Variants in TENM3 observed in about 807,000 individuals in gnomAD.
The protein encoded by TENM3 is teneurin-3.
Under a neutral mutation model 255.1 loss-of-function variants are expected in TENM3, and 63 were observed. That is an observed-to-expected ratio of 0.25 (90% confidence interval 0.20 to 0.30). TENM3 has a LOEUF of 0.30. TENM3 is among the 10% of genes least tolerant of loss of function. The pLI, the probability that TENM3 is intolerant of heterozygous loss-of-function variation, is 1.00. For synonymous variants in TENM3, 1,306 were observed against 1,322.3 expected, an observed-to-expected ratio of 0.99 and a Z score of 0.27; for missense variants, 2,929 against 3,461.1, an observed-to-expected ratio of 0.85 and a Z score of 3.86.
chr4:182,455,979 C>A (rs73869999), intron 3 of TENM3, among the ~76,000 whole-genome samples: 1 of 152,312 alleles, frequency 6.6e-6, no homozygotes, highest in East Asian at 1.9e-4. Flanking sequence ...CTGTCTCCCC[C>A]ACTAGGGGGA....
At chr4:182,297,086 C>G (rs1761542004) in intron 1 of TENM3, among the ~76,000 whole-genome samples, 1 of 152,188 alleles carries the variant, frequency 6.6e-6, no homozygotes, top group African/African-American at 2.4e-5. Flanking sequence ...GTATTATTCA[C>G]CTCCTTATGA....
At chr4:182,791,844 T>G (rs1250612087) in intron 25 of TENM3, among the ~76,000 whole-genome samples, 1 of 152,186 alleles carries the variant, frequency 6.6e-6, no homozygotes, top group Non-Finnish European at 1.5e-5. Context: ...TGAGTGGTTC[T>G]TCACTCAGAT....
the TENM3 span, among the ~76,000 whole-genome samples, chr4:181,561,685 A>C: frequency 6.6e-6 from 1 of 152,186 alleles, no homozygotes; most frequent in Non-Finnish European, 1.5e-5. Flanking sequence ...GGCATTTTAC[A>C]TATAACTAAT....
the TENM3 span, among the ~76,000 whole-genome samples, chr4:182,100,802 TATATAC>T: frequency 2.2e-4 from 6 of 26,960 alleles, 1 homozygote; most frequent in Non-Finnish European, 4.1e-4. Context: ...TATACACATA[TATATAC>T]ACATATATAT....
At chr4:181,647,451 TATTA>T in the TENM3 span, among the ~76,000 whole-genome samples, 103 of 152,254 alleles carry the variant, frequency 6.8e-4, 1 homozygote, top group East Asian at 0.012. Flanking sequence ...TATTAGACCA[TATTA>T]ATTAAGAAGA....
At chr4:182,344,023 C>T (rs984651653) in intron 2 of TENM3, among the ~76,000 whole-genome samples, 1 of 152,122 alleles carries the variant, frequency 6.6e-6, no homozygotes, top group Non-Finnish European at 1.5e-5. Flanking sequence ...CCTCTCCCTA[C>T]TCTCAAACTA....
intron 3 of TENM3, among the ~76,000 whole-genome samples, chr4:182,503,826 C>T (rs2151669647): frequency 6.6e-6 from 1 of 152,218 alleles, no homozygotes; most frequent in East Asian, 1.9e-4. Flanking sequence ...TACTACACCC[C>T]AGATATCCAC....
At chr4:181,934,075 T>TGTGC in the TENM3 span, among the ~76,000 whole-genome samples, 20,912 of 147,872 alleles carry the variant, frequency 0.14, 1,569 homozygotes, top group South Asian at 0.29. Context: ...TGTGTGTGTG[T>TGTGC]GCGCGCGCTT....
At chr4:181,872,957 T>C in the TENM3 span, among the ~76,000 whole-genome samples, 3 of 152,234 alleles carry the variant, frequency 2.0e-5, no homozygotes, top group African/African-American at 7.2e-5. Context: ...CCTTATTCTC[T>C]TATTTTTACT....
chr4:182,389,208 G>T (rs1301988574), intron 3 of TENM3, among the ~76,000 whole-genome samples: 1 of 152,062 alleles, frequency 6.6e-6, no homozygotes, highest in Non-Finnish European at 1.5e-5. Flanking sequence ...AGGGAGGGAG[G>T]TGTAGCTGAA....
chr4:181,933,256 G>A, the TENM3 span, among the ~76,000 whole-genome samples: 16 of 152,254 alleles, frequency 1.1e-4, no homozygotes, highest in African/African-American at 3.9e-4. Context: ...GCTTTAGAAA[G>A]AGTAATAAAT....
chr4:182,610,637 C>G (rs990989220), intron 4 of TENM3, among the ~76,000 whole-genome samples: 1 of 152,214 alleles, frequency 6.6e-6, no homozygotes, highest in Non-Finnish European at 1.5e-5. Flanking sequence ...GAGCTATGAT[C>G]GCACCACTGT....
At chr4:181,492,188 C>A in the TENM3 span, among the ~76,000 whole-genome samples, 2 of 152,156 alleles carry the variant, frequency 1.3e-5, no homozygotes, top group East Asian at 3.8e-4. Context: ...AAGGTCTATG[C>A]CACAATTCTT....
intron 22 of TENM3, among the ~76,000 whole-genome samples, chr4:182,757,698 C>T (rs555018985): frequency 6.6e-6 from 1 of 152,188 alleles, no homozygotes; most frequent in South Asian, 2.1e-4. Flanking sequence ...TAACAAATAA[C>T]CTCCAAGAAT....
chr4:182,033,896 T>C, the TENM3 span, among the ~76,000 whole-genome samples: 387 of 152,346 alleles, frequency 2.5e-3, 1 homozygote, highest in South Asian at 9.3e-3. Flanking sequence ...TGGTAAATTT[T>C]CCTCTATCCC....
intron 1 of TENM3, among the ~76,000 whole-genome samples, chr4:182,265,656 A>C (rs1041025599): frequency 5.3e-5 from 8 of 152,208 alleles, no homozygotes; most frequent in African/African-American, 1.9e-4. Context: ...CCAACTAAAA[A>C]ATTTAAAAAC....
chr4:182,244,011 T>G lies in TENM3; in HGVS notation c.-76+535T>G, dbSNP rs909425513. On this transcript the variant is annotated intron_variant, in intron 1 of 27. Transcript: ENST00000511685. ...CTCTGTCGCCCAGGCTGGAGTGCAG[T>G]GGCGTGACCTCGGCTCACTGCAAGC... 3.5e-5 allele frequency among the ~76,000 whole-genome samples: 5 copies of G among 142,568 alleles called. No homozygotes were observed. The East Asian group carries it at 6.2e-4, about 18-fold the overall frequency. The allele number at this position is 142,568 out of a possible 152,430, so 93.5% of individuals were successfully genotyped here.
At chr4:182,628,024 C>G (rs1445250702) in intron 4 of TENM3, among the ~76,000 whole-genome samples, 1 of 152,102 alleles carries the variant, frequency 6.6e-6, no homozygotes, top group Non-Finnish European at 1.5e-5. Flanking sequence ...GGTTCACACT[C>G]CTGATTATGT....
the TENM3 span, among the ~76,000 whole-genome samples, chr4:181,923,986 T>C: frequency 2.6e-5 from 4 of 152,042 alleles, no homozygotes; most frequent in Admixed American, 2.0e-4. Context: ...GGAAAGACAG[T>C]CCCCCCTCAG....
Sources: gnomAD v4.1 joint callset for allele counts (sites outside exome capture counted in the v4.1 genomes callset) on GRCh38, gnomAD v4.1.1 for gene constraint, MANE v1.5 for transcripts, NCBI Gene and HGNC (gene_info 2026-07-23, HGNC 2026-07-21) for gene names.